VPS13A: variants seen among roughly 807,000 people sequenced by gnomAD.
VPS13A encodes the protein vacuolar protein sorting 13 homolog A.
Under a neutral mutation model 390.9 loss-of-function variants are expected in VPS13A, and 264 were observed. That is an observed-to-expected ratio of 0.68 (90% CI 0.61 to 0.75). VPS13A has a LOEUF of 0.75. Among genes scored for constraint, VPS13A ranks in the 30% least tolerant of loss-of-function variants. VPS13A has a pLI of 0.00. For missense variants in VPS13A, 3,409 were observed against 3,733.9 expected, an observed-to-expected ratio of 0.91 and a Z score of 2.27; for synonymous variants, 1,231 against 1,227.1, an observed-to-expected ratio of 1.00 and a Z score of -0.07.
intron 27 of VPS13A, among the ~76,000 whole-genome samples, chr9:77,280,532 A>G (rs1826957625): frequency 6.6e-6 from 1 of 151,980 alleles, no homozygotes; most frequent in South Asian, 2.1e-4. Flanking sequence ...TAGTCTTGTT[A>G]GAGTGTATTG....
intron 68 of VPS13A, among the ~76,000 whole-genome samples, chr9:77,400,811 G>C (rs370148530): frequency 6.1e-4 from 86 of 141,726 alleles, no homozygotes; most frequent in African/African-American, 2.1e-3. Context: ...CTGGGCAACA[G>C]AGCGAGACTC....
intron 33 of VPS13A, among the ~76,000 whole-genome samples, chr9:77,298,185 A>G (rs769679031): frequency 6.6e-6 from 1 of 152,232 alleles, no homozygotes; most frequent in Non-Finnish European, 1.5e-5. Flanking sequence ...CATGACTTCT[A>G]CATGGAGAGA....
At chr9:77,388,388 T>C (rs1283407646) in intron 68 of VPS13A, among the ~76,000 whole-genome samples, 1 of 152,156 alleles carries the variant, frequency 6.6e-6, no homozygotes, top group Non-Finnish European at 1.5e-5. Flanking sequence ...TTAGAATAAT[T>C]TATGATTTTC....
At chr9:77,355,122 T>G (rs561379706) in intron 54 of VPS13A, among the ~76,000 whole-genome samples, 61 of 152,174 alleles carry the variant, frequency 4.0e-4, no homozygotes, top group Non-Finnish European at 6.5e-4. Context: ...ACCAAACACC[T>G]CAAATGTACT....
chr9:77,282,144 T>G lies in VPS13A; in HGVS notation c.2988T>G (p.Ile996Met). Residue 996 changes from isoleucine (I) to methionine (M), a missense_variant, in exon 29 of 72, where the codon ATT becomes ATG. This residue lies in a region of VPS13A where 2,717 missense variants were observed against 2,917.4 expected (regional missense o/e 0.93). Coordinates refer to ENST00000360280, the MANE Select transcript of VPS13A (RefSeq NM_033305.3). ...AGGTAAATTTTTCCTCTTTGGATAT[T>G]CATTTACACACTGAAGCACTTCTGA... is the stretch of plus-strand genomic sequence containing the variant. ...LIKVNFSSLD[I>M]HLHTEALLNT... The G allele has an allele frequency of 6.2e-7, 1 of 1,613,168 alleles. No individual in the cohort carries two copies. Among genetic ancestry groups the G allele is most frequent in the Non-Finnish European group, 8.5e-7 (1 of 1,179,596 alleles).
intron 23 of VPS13A, among the ~76,000 whole-genome samples, chr9:77,267,578 GCTCTC>G (rs1826109443): frequency 6.6e-6 from 1 of 152,206 alleles, no homozygotes. Context: ...GCCAGCCAGA[GCTCTC>G]CTGTATGAGG....
chr9:77,273,010 T>C (rs1826436728), intron 23 of VPS13A, among the ~76,000 whole-genome samples: 1 of 152,200 alleles, frequency 6.6e-6, no homozygotes, highest in African/African-American at 2.4e-5. Context: ...TGACTTAAAA[T>C]ATAAGATCTG....
chr9:77,240,486 T>TG (rs1213573590), intron 19 of VPS13A, among the ~76,000 whole-genome samples: 1 of 150,490 alleles, frequency 6.6e-6, no homozygotes, highest in Non-Finnish European at 1.5e-5. Flanking sequence ...TTGTTTTTTT[T>TG]TTTTTTTTTT....
At chr9:77,194,184 C>T (rs548147893) in intron 1 of VPS13A, among the ~76,000 whole-genome samples, 4 of 152,068 alleles carry the variant, frequency 2.6e-5, no homozygotes, top group East Asian at 1.9e-4. Context: ...GGAAGCTGTG[C>T]GTGGGTGGAT....
At chr9:77,346,169 T>A (rs1831141457) in intron 52 of VPS13A, among the ~76,000 whole-genome samples, 1 of 152,126 alleles carries the variant, frequency 6.6e-6, no homozygotes, top group South Asian at 2.1e-4. Flanking sequence ...ACCACATCCA[T>A]GTTAACATCT....
intron 42 of VPS13A, among the ~76,000 whole-genome samples, chr9:77,320,653 A>G (rs1829693661): frequency 6.6e-6 from 1 of 152,180 alleles, no homozygotes; most frequent in East Asian, 1.9e-4. Context: ...ATGAAAAGGA[A>G]TTCCTTGGTG....
chr9:77,208,657 C>G (rs1255750309), intron 5 of VPS13A, among the ~76,000 whole-genome samples: 1 of 151,898 alleles, frequency 6.6e-6, no homozygotes, highest in Non-Finnish European at 1.5e-5. Context: ...TCAAACGATT[C>G]TCCTGCCTCA....
chr9:77,337,457 GATTTACCATACA>G lies in VPS13A; in HGVS notation c.6299_6310del (p.Asp2100_Ile2104delinsVal). On this transcript the variant is annotated inframe_deletion, in exon 47 of 72. Transcript: ENST00000360280. The stretch of plus-strand genomic sequence containing the variant: ...ATCAGTGTATTCAGAAGATGGTTGG[GATTTACCATACA>G]TAATGCATTTGTGGCCACCTATCCT... 7 of 1,613,508 alleles carry G rather than the reference GATTTACCATACA, an allele frequency of 4.3e-6. No homozygotes were observed. Among genetic ancestry groups the G allele is most frequent in the Non-Finnish European group, 5.9e-6 (7 of 1,179,684 alleles).
intron 46 of VPS13A, among the ~76,000 whole-genome samples, chr9:77,336,560 T>C (rs1830547379): frequency 6.6e-6 from 1 of 152,122 alleles, no homozygotes; most frequent in Non-Finnish European, 1.5e-5. Context: ...AGTCATGGCA[T>C]TTATTTCCTT....
At chr9:77,358,203 G>A (rs569926005) in intron 56 of VPS13A, among the ~76,000 whole-genome samples, 154 bp from the exon 57 acceptor site, 3 of 151,902 alleles carry the variant, frequency 2.0e-5, no homozygotes, top group African/African-American at 4.8e-5. Context: ...TGATCCACCC[G>A]CCTCGGCCTC....
chr9:77,357,952 C>CTTTTT lies in VPS13A; in HGVS notation c.7953+131_7953+135dup, dbSNP rs5898534. On this transcript the variant is annotated intron_variant, in intron 56 of 71. Coordinates refer to ENST00000360280, the MANE Select transcript of VPS13A (RefSeq NM_033305.3). Reference sequence around the variant, plus strand: ...TATTCAGTTTCAATGTTGTGCTAGCCTTTTTTTTTTTTTTTTTTTTTGAGA... The same window carrying CTTTTT: ...TATTCAGTTTCAATGTTGTGCTAGCCTTTTTTTTTTTTTTTTTTTTTTTTTTGAGA... The CTTTTT allele has an allele frequency of 7.3e-4, 253 of 346,088 alleles. 2 individuals carry two copies. The highest frequency in any genetic ancestry group is 3.5e-3 in the African/African-American group (96 of 27,120). 21.4% of individuals were successfully genotyped at this position (346,088 alleles called of 1,614,324 possible).
At chr9:77,288,397 G>A (rs929104502) in intron 31 of VPS13A, among the ~76,000 whole-genome samples, 1 of 152,126 alleles carries the variant, frequency 6.6e-6, no homozygotes, top group African/African-American at 2.4e-5. Context: ...TCTGTTGTAA[G>A]CATTTGCTGC....
At chr9:77,397,278 C>G (rs544879727) in intron 68 of VPS13A, among the ~76,000 whole-genome samples, 1 of 152,146 alleles carries the variant, frequency 6.6e-6, no homozygotes, top group South Asian at 2.1e-4. Flanking sequence ...TGTGAGCCAC[C>G]GTGTCTGGCT....
chr9:77,187,032 G>A (rs750765623), intron 1 of VPS13A, among the ~76,000 whole-genome samples: 4 of 152,300 alleles, frequency 2.6e-5, no homozygotes, highest in East Asian at 1.9e-4. Context: ...TCCTCAAGGT[G>A]CATCCGTGTT....
Sources: gnomAD v4.1 joint callset for allele counts (sites outside exome capture counted in the v4.1 genomes callset) on GRCh38, gnomAD v4.1.1 for gene constraint, gnomAD v4.1.1 regional missense constraint, MANE v1.5 for transcripts, NCBI Gene and HGNC (gene_info 2026-07-23, HGNC 2026-07-21) for gene names.